SCUBE1: variants seen among roughly 807,000 people sequenced by gnomAD.
The protein encoded by SCUBE1 is signal peptide, CUB and EGF-like domain-containing protein 1.
In SCUBE1, 59 loss-of-function variants were observed where a neutral mutation model predicts 124.4. The observed-to-expected ratio is 0.47, with a 90% CI of 0.38 to 0.59. The LOEUF is 0.59. Ranked by LOEUF, SCUBE1 falls within the 20% of genes least tolerant of loss-of-function variation. The pLI, the probability that SCUBE1 is intolerant of heterozygous loss-of-function variation, is 0.00. For missense variants in SCUBE1, 1,150 were observed against 1,371.2 expected (o/e 0.84, Z 2.55); for synonymous variants, 545 against 550.9 (o/e 0.99, Z 0.15).
At chr22:43,293,289 G>T (rs73424028) in intron 3 of SCUBE1, among the ~76,000 whole-genome samples, 4,306 of 152,358 alleles carry the variant, frequency 0.028, 225 homozygotes, top group African/African-American at 0.099. Context: ...CAGCTACCTG[G>T]GTGACAGGTC....
intron 4 of SCUBE1, among the ~76,000 whole-genome samples, chr22:43,276,276 T>G (rs1350285950): frequency 6.6e-6 from 1 of 152,008 alleles, no homozygotes. Flanking sequence ...TCAAGAAGCT[T>G]AGGGGAGAGC....
intron 10 of SCUBE1, among the ~76,000 whole-genome samples, chr22:43,224,735 G>A (rs894272761): frequency 1.8e-4 from 27 of 152,146 alleles, no homozygotes; most frequent in African/African-American, 6.0e-4. Flanking sequence ...CTGACTGCAC[G>A]GCCCTTTCCA....
In SCUBE1 at chr22:43,210,615, C is replaced by A. The variant is rs937922364; in HGVS notation, c.2383+307G>T. 3.9e-5 allele frequency among the ~76,000 whole-genome samples: 6 copies of A among 152,216 alleles called. No homozygotes were observed. Among genetic ancestry groups the A allele is most frequent in the Admixed American group, 6.5e-5 (1 of 15,288 alleles). Reference sequence around the variant, plus strand: ...GTGCCCCTGTAGGCTGTCAGCCCCCCCAGCAGACCCAGAAACTAGAGCAGG... The same window carrying A: ...GTGCCCCTGTAGGCTGTCAGCCCCCACAGCAGACCCAGAAACTAGAGCAGG... On this transcript the variant is annotated intron_variant, in intron 18 of 21. Coordinates refer to ENST00000360835, the MANE Select transcript of SCUBE1 (RefSeq NM_173050.5). The surrounding 1 kb of genome is among the most constrained non-coding windows in gnomAD (Gnocchi z 4.5).
At chr22:43,251,582 G>A (rs1052421424) in intron 6 of SCUBE1, among the ~76,000 whole-genome samples, 3 of 152,116 alleles carry the variant, frequency 2.0e-5, no homozygotes, top group Non-Finnish European at 4.4e-5. Flanking sequence ...GGACTGGGGC[G>A]GGTCAGGCTG....
At chr22:43,277,284 C>G (rs1924566216) in intron 4 of SCUBE1, among the ~76,000 whole-genome samples, 1 of 152,078 alleles carries the variant, frequency 6.6e-6, no homozygotes, top group South Asian at 2.1e-4. Flanking sequence ...CAGAGAACCA[C>G]ATTCCTCTCA....
intron 2 of SCUBE1, among the ~76,000 whole-genome samples, chr22:43,327,103 T>A (rs1926751227): frequency 6.6e-6 from 1 of 152,074 alleles, no homozygotes; most frequent in Non-Finnish European, 1.5e-5. Context: ...GAATGAACAA[T>A]CACGACGGTG....
intron 4 of SCUBE1, among the ~76,000 whole-genome samples, chr22:43,269,487 AAT>A (rs1217971449): frequency 2.6e-5 from 4 of 152,250 alleles, no homozygotes; most frequent in African/African-American, 9.6e-5. Flanking sequence ...ACAAAGCTGG[AAT>A]GTGTGCCTCC....
rs376664860 is a variant in SCUBE1, at chr22:43,203,633, G to A, written c.*364C>T. ...CCTCTCTCCCCTGGACTCCTGTCTC[G>A]GATGACCACGCCTCCCAGAGCACAG... On this transcript the variant is annotated 3_prime_UTR_variant, in exon 22 of 22. Coordinates refer to ENST00000360835, the MANE Select transcript of SCUBE1 (RefSeq NM_173050.5). The A allele has an allele frequency of 9.6e-5, 18 of 188,080 alleles. No homozygotes were observed. Among genetic ancestry groups the A allele is most frequent in the Admixed American group, 4.5e-4 (8 of 17,630 alleles). 11.7% of individuals were successfully genotyped at this position (188,080 alleles called of 1,614,324 possible).
intron 16 of SCUBE1, among the ~76,000 whole-genome samples, 198 bp downstream of exon 16, chr22:43,213,892 T>C (rs1334572822): frequency 6.6e-6 from 1 of 152,166 alleles, no homozygotes; most frequent in Admixed American, 6.5e-5. Flanking sequence ...GCTGACGCTT[T>C]GGGATCTGTC....
chr22:43,249,528 C>A (rs1457661727), intron 6 of SCUBE1, among the ~76,000 whole-genome samples: 1 of 152,206 alleles, frequency 6.6e-6, no homozygotes, highest in Non-Finnish European at 1.5e-5. Context: ...CCCTGGCCTC[C>A]CAGTTCTCCA....
chr22:43,245,546 G>A (rs1328042950), intron 6 of SCUBE1, among the ~76,000 whole-genome samples: 2 of 152,150 alleles, frequency 1.3e-5, no homozygotes, highest in African/African-American at 2.4e-5. Context: ...CACGGGACAG[G>A]ACACCCCGGC....
At chr22:43,269,223 T>C (rs566430290) in intron 4 of SCUBE1, among the ~76,000 whole-genome samples, 20 of 152,246 alleles carry the variant, frequency 1.3e-4, no homozygotes, top group Admixed American at 1.2e-3. Flanking sequence ...GGTCGCCATC[T>C]CCTCTGGACT....
chr22:43,284,249 T>A (rs939115477), intron 4 of SCUBE1, among the ~76,000 whole-genome samples: 1 of 152,110 alleles, frequency 6.6e-6, no homozygotes, highest in African/African-American at 2.4e-5. Flanking sequence ...CGTAACTGAG[T>A]TCATAACAAG....
intron 10 of SCUBE1, among the ~76,000 whole-genome samples, chr22:43,224,979 C>T (rs760433674): frequency 6.6e-6 from 1 of 152,298 alleles, no homozygotes; most frequent in East Asian, 1.9e-4. Flanking sequence ...CTTAGAATAA[C>T]GTTGGTCATT....
intron 1 of SCUBE1, 81 bp downstream of exon 1, chr22:43,343,093 G>A (rs1418238536): frequency 3.7e-5 from 24 of 649,108 alleles, no homozygotes; most frequent in Admixed American, 1.1e-4. Flanking sequence ...CGGGATCCGC[G>A]GGGAAGAAGC....
chr22:43,230,016 T>C (rs1922488850), intron 8 of SCUBE1, among the ~76,000 whole-genome samples: 1 of 152,206 alleles, frequency 6.6e-6, no homozygotes. Flanking sequence ...ATTTGTAATA[T>C]ACGCGTATTT....
At chr22:43,306,357 A>G (rs115808310) in intron 3 of SCUBE1, among the ~76,000 whole-genome samples, 1,925 of 152,228 alleles carry the variant, frequency 0.013, 46 homozygotes, top group African/African-American at 0.043. Flanking sequence ...AGGGACTGCA[A>G]ACAGGAACAG....
chr22:43,297,495 G>A (rs905163159), intron 3 of SCUBE1, among the ~76,000 whole-genome samples: 10 of 152,246 alleles, frequency 6.6e-5, no homozygotes, highest in Non-Finnish European at 1.0e-4. Flanking sequence ...GTCCTCACAG[G>A]CGCAGGCCAC....
At chr22:43,228,984 G>C in intron 9 of SCUBE1, 88 bp downstream of exon 9, 1 of 932,044 alleles carries the variant, frequency 1.1e-6, no homozygotes, top group Non-Finnish European at 1.7e-6. Flanking sequence ...GTTGAGGGCA[G>C]GGTTGGGATG....
Sources: gnomAD v4.1 joint callset for allele counts (sites outside exome capture counted in the v4.1 genomes callset) on GRCh38, gnomAD v4.1.1 for gene constraint, Gnocchi (gnomAD v3.1) non-coding constraint, MANE v1.5 for transcripts, NCBI Gene and HGNC (gene_info 2026-07-23, HGNC 2026-07-21) for gene names.